Variants in MEIKIN observed in about 807,000 individuals in gnomAD.
MEIKIN encodes meiotic kinetochore factor, also known as meiosis-specific kinetochore protein.
chr5:131,822,480 G>A (rs1401576261), intron 11 of MEIKIN, among the ~76,000 whole-genome samples: 1 of 151,792 alleles, frequency 6.6e-6, no homozygotes, highest in African/African-American at 2.4e-5. Context: ...TTGATTTGAG[G>A]TTACCATGAG....
intron 8 of MEIKIN, among the ~76,000 whole-genome samples, chr5:131,909,322 C>T (rs1267906737): frequency 1.3e-5 from 2 of 151,956 alleles, no homozygotes; most frequent in Non-Finnish European, 2.9e-5. Context: ...TGGGGAAGGG[C>T]CAGTTTCTTT....
chr5:131,912,201 G>T (rs1338299287), intron 7 of MEIKIN, among the ~76,000 whole-genome samples: 1 of 151,948 alleles, frequency 6.6e-6, no homozygotes, highest in Non-Finnish European at 1.5e-5. Context: ...AGCCTGTCTT[G>T]AGTCTTGGTT....
At chr5:131,850,066 A>G (rs1209248950) in intron 11 of MEIKIN, among the ~76,000 whole-genome samples, 1 of 151,966 alleles carries the variant, frequency 6.6e-6, no homozygotes, top group African/African-American at 2.4e-5. Flanking sequence ...ACAAAAAAAA[A>G]GAAAATAAAT....
chr5:131,846,966 T>C (rs72793228), intron 11 of MEIKIN, among the ~76,000 whole-genome samples: 10,145 of 152,234 alleles, frequency 0.067, 549 homozygotes, highest in East Asian at 0.19. Flanking sequence ...AACTTTAGAC[T>C]GCTAAATAAA....
intron 9 of MEIKIN, among the ~76,000 whole-genome samples, chr5:131,878,284 T>C (rs900706337): frequency 5.3e-5 from 8 of 152,180 alleles, no homozygotes; most frequent in East Asian, 1.9e-4. Flanking sequence ...AAAGTATTGG[T>C]TGGCTGGGCG....
At chr5:131,846,893 A>AGGCAGAAAT (rs57179655) in intron 11 of MEIKIN, among the ~76,000 whole-genome samples, 3 of 151,550 alleles carry the variant, frequency 2.0e-5, no homozygotes, top group South Asian at 2.1e-4. Flanking sequence ...AAAGGGGTGA[A>AGGCAGAAAT]GTAAAGGGGC....
At chr5:131,929,436 C>T (rs1199816831) in intron 5 of MEIKIN, among the ~76,000 whole-genome samples, 1 of 152,166 alleles carries the variant, frequency 6.6e-6, no homozygotes, top group Non-Finnish European at 1.5e-5. Flanking sequence ...AAATGTTGGT[C>T]TGCTTGATAG....
chr5:131,872,712 T>C (rs1362644692), intron 9 of MEIKIN, among the ~76,000 whole-genome samples: 2 of 151,722 alleles, frequency 1.3e-5, no homozygotes, highest in Non-Finnish European at 2.9e-5. Context: ...TCACCAAGGG[T>C]GAAATGAAGG....
intron 11 of MEIKIN, among the ~76,000 whole-genome samples, chr5:131,823,677 A>G (rs991171988): frequency 1.3e-5 from 2 of 152,130 alleles, no homozygotes; most frequent in Non-Finnish European, 2.9e-5. Flanking sequence ...TCTGTTCTCC[A>G]GGATTGGTCC....
At chr5:131,932,498 A>T (rs1378164653) in intron 5 of MEIKIN, among the ~76,000 whole-genome samples, 12 of 151,556 alleles carry the variant, frequency 7.9e-5, no homozygotes, top group Admixed American at 7.9e-4. Context: ...GCAAGAAGAC[A>T]AGCTCAACCA....
chr5:131,898,734 G>C (rs1057459264), intron 8 of MEIKIN, among the ~76,000 whole-genome samples: 1 of 152,352 alleles, frequency 6.6e-6, no homozygotes, highest in East Asian at 1.9e-4. Flanking sequence ...CCGTGAGCGA[G>C]GCACGGGAGA....
intron 8 of MEIKIN, among the ~76,000 whole-genome samples, chr5:131,890,311 C>A (rs964694317): frequency 6.6e-6 from 1 of 152,260 alleles, no homozygotes; most frequent in South Asian, 2.1e-4. Context: ...TAGAATTCAG[C>A]TGTGAATCCA....
intron 9 of MEIKIN, among the ~76,000 whole-genome samples, chr5:131,867,391 G>C (rs1020256234): frequency 1.3e-5 from 2 of 152,092 alleles, no homozygotes; most frequent in African/African-American, 4.8e-5. Context: ...AAAGTCCACA[G>C]TTTACCTTAG....
At chr5:131,938,247 A>T (rs1580916411) in intron 4 of MEIKIN, among the ~76,000 whole-genome samples, 1 of 146,810 alleles carries the variant, frequency 6.8e-6, no homozygotes, top group African/African-American at 2.5e-5. Context: ...GCTCACTACA[A>T]CCTCCACCTC....
intron 11 of MEIKIN, among the ~76,000 whole-genome samples, chr5:131,847,700 A>G (rs1342665890): frequency 6.6e-6 from 1 of 152,048 alleles, no homozygotes; most frequent in East Asian, 1.9e-4. Context: ...ATACAAAACA[A>G]TCTTTCAAAT....
intron 11 of MEIKIN, among the ~76,000 whole-genome samples, chr5:131,828,867 T>G (rs1278721695): frequency 6.6e-6 from 1 of 152,162 alleles, no homozygotes; most frequent in South Asian, 2.1e-4. Context: ...AAGGAACTCC[T>G]GGGTCAAACA....
chr5:131,930,038 CAGTAATAGGA>C (rs1751660694), intron 5 of MEIKIN, among the ~76,000 whole-genome samples: 1 of 152,072 alleles, frequency 6.6e-6, no homozygotes, highest in African/African-American at 2.4e-5. Context: ...GAAATATATC[CAGTAATAGGA>C]TTGTTGGGTC....
chr5:131,903,012 G>T (rs1052946295), intron 8 of MEIKIN, among the ~76,000 whole-genome samples: 1 of 152,078 alleles, frequency 6.6e-6, no homozygotes, highest in African/African-American at 2.4e-5. Flanking sequence ...TAATGCAATC[G>T]CAAGTATTAA....
At chr5:131,817,996 CA>C (rs1326402807) in intron 12 of MEIKIN, among the ~76,000 whole-genome samples, 2 of 151,932 alleles carry the variant, frequency 1.3e-5, no homozygotes, top group South Asian at 4.1e-4. Flanking sequence ...CAAAACAAAA[CA>C]AAAAAACACT....
Sources: gnomAD v4.1 joint callset for allele counts (sites outside exome capture counted in the v4.1 genomes callset) on GRCh38, gnomAD v4.1.1 for gene constraint, MANE v1.5 for transcripts, NCBI Gene and HGNC (gene_info 2026-07-23, HGNC 2026-07-21) for gene names.